ALDH9A1: variants seen among roughly 807,000 people sequenced by gnomAD.
The protein encoded by ALDH9A1 is aldehyde dehydrogenase 9 family member A1, also known as 4-trimethylaminobutyraldehyde dehydrogenase.
Under a neutral mutation model 56.6 loss-of-function variants are expected in ALDH9A1, and 42 were observed. The observed-to-expected ratio is 0.74, with a 90% CI of 0.58 to 0.96. The LOEUF is 0.96. Among genes scored for constraint, ALDH9A1 ranks in the 40% least tolerant of loss-of-function variants. The pLI is 0.00. For missense variants in ALDH9A1, 661 were observed against 651.5 expected, an observed-to-expected ratio of 1.01 and a Z score of -0.16; for synonymous variants, 242 against 236.0, an observed-to-expected ratio of 1.03 and a Z score of -0.23.
At chr1:165,679,626 A>G (rs368541122) in intron 5 of ALDH9A1, 44 bp from the exon 6 acceptor site, 19 of 1,608,810 alleles carry the variant, frequency 1.2e-5, no homozygotes, top group Non-Finnish European at 1.5e-5. Flanking sequence ...AACACAAATT[A>G]TATTGCATGC....
chr1:165,698,495 C>A lies in ALDH9A1; in HGVS notation c.64G>T (p.Val22Phe). 1 of 1,608,740 alleles carries A rather than the reference C, an allele frequency of 6.2e-7. No individual in the cohort carries two copies. Among genetic ancestry groups the A allele is most frequent in the Non-Finnish European group, 8.5e-7 (1 of 1,177,966 alleles). ...PLLRSLRPSP[V>F]AAMSTGTFVV... ...AAGGTGCCAGTGCTCATGGCGGCGACAGGAGAGGGCCGAAGACTGCGAAGA... is the reference window on the plus strand; with the variant it reads ...AAGGTGCCAGTGCTCATGGCGGCGAAAGGAGAGGGCCGAAGACTGCGAAGA... The change falls in exon 1 of 11, where the codon GTC becomes TTC. Residue 22 changes from valine to phenylalanine, a missense_variant. By Grantham distance (50) the Val-to-Phe change is conservative (BLOSUM62 -1). Transcript: ENST00000354775.
intron 6 of ALDH9A1, chr1:165,676,475 T>C (rs997698991): frequency 1.5e-5 from 4 of 274,120 alleles, no homozygotes; most frequent in Non-Finnish European, 2.1e-5. Context: ...CCCAAAAGCA[T>C]TACCTGGGAA....
Position 165,682,233 on chromosome 1 carries a change from T to C in ALDH9A1, c.466A>G (p.Ile156Val), listed in dbSNP as rs1558008503. 7 of 1,613,422 alleles carry C rather than the reference T, an allele frequency of 4.3e-6. No homozygotes were observed. The highest frequency in any genetic ancestry group is 4.5e-5 in the East Asian group (2 of 44,892). The change falls in exon 4 of 11, where the codon ATC (isoleucine) becomes GTC (valine). Residue 156 changes from isoleucine (I) to valine (V), a missense_variant. By Grantham distance (29) the Ile-to-Val change is conservative (BLOSUM62 3). Transcript: ENST00000354775. ...GLAASMAGEH[I>V]QLPGGSFGYT... ...CCAAACGATCCACCTGGGAGCTGGA[T>C]GTGTTCACCTATGGGGAAAACAGGA...
chr1:165,683,162 T>C (rs1649606987), intron 2 of ALDH9A1, 52 bp from the exon 3 acceptor site: 2 of 1,567,198 alleles, frequency 1.3e-6, no homozygotes, highest in Non-Finnish European at 1.8e-6. Flanking sequence ...TATGTCTTGA[T>C]GTAATTAATG....
intron 2 of ALDH9A1, among the ~76,000 whole-genome samples, chr1:165,684,240 T>C (rs930415692): frequency 1.3e-5 from 2 of 152,218 alleles, no homozygotes; most frequent in African/African-American, 4.8e-5. Context: ...GAAAAGAGTA[T>C]CAGTCCTGTC....
In ALDH9A1 at chr1:165,682,099, A is replaced by T. The variant is rs1394554785; in HGVS notation, c.592+8T>A. On this transcript the variant is annotated splice_region_variant and intron_variant, in intron 4 of 10. Transcript: ENST00000354775. The stretch of plus-strand genomic sequence containing the variant: ...TGGCTCTCAAATGGAGGGATAATTC[A>T]TTCTTACCACAGGCTAATGCTGGAG... The T allele has an allele frequency of 6.2e-7, 1 of 1,613,818 alleles. No homozygotes were observed. Among genetic ancestry groups the T allele is most frequent in the Admixed American group, 1.7e-5 (1 of 59,986 alleles).
intron 6 of ALDH9A1, among the ~76,000 whole-genome samples, chr1:165,673,770 C>T (rs2101740653): frequency 6.6e-6 from 1 of 152,244 alleles, no homozygotes; most frequent in East Asian, 1.9e-4. Flanking sequence ...ATCTTTGTCC[C>T]TCTGCAACCC....
At chr1:165,668,876 A>G in intron 8 of ALDH9A1, 50 bp downstream of exon 8, 1 of 1,322,876 alleles carries the variant, frequency 7.6e-7, no homozygotes, top group Non-Finnish European at 1.1e-6. Context: ...ATCTCTATCT[A>G]TTCAGTATTT....
chr1:165,693,804 T>G (rs187215645), intron 2 of ALDH9A1, among the ~76,000 whole-genome samples: 179 of 152,242 alleles, frequency 1.2e-3, no homozygotes, highest in Admixed American at 2.5e-3. Context: ...AGCAAAGACT[T>G]GGAACCAACC....
chr1:165,697,262 C>T (rs10753689), intron 1 of ALDH9A1, among the ~76,000 whole-genome samples: 92,303 of 152,080 alleles, frequency 0.61, 28,121 homozygotes, highest in Admixed American at 0.62. Flanking sequence ...GGAGAGCTCA[C>T]GTAGACCATG....
At chr1:165,695,785 C>T (rs10800133) in intron 1 of ALDH9A1, among the ~76,000 whole-genome samples, 46,039 of 151,636 alleles carry the variant, frequency 0.3, 7,195 homozygotes, top group South Asian at 0.49. Flanking sequence ...CGTGGGCTAC[C>T]GTAACTTCTT....
Position 165,683,082 on chromosome 1 carries a change from T to C in ALDH9A1, c.356A>G (p.Glu119Gly). ...REREDEIATM[E>G]CINNGKSIFE... ...GATGGACTTGCCATTGTTGATGCACTCCATAGTAGCAATTTCATCCTCCCG... is the reference window on the plus strand; with the variant it reads ...GATGGACTTGCCATTGTTGATGCACCCCATAGTAGCAATTTCATCCTCCCG... The change falls in exon 3 of 11, where the codon GAG (glutamate) becomes GGG (glycine). Residue 119 changes from glutamate to glycine, a missense_variant. Physicochemically the swap from Glu to Gly is moderately conservative, Grantham distance 98. Transcript: ENST00000354775. 1 of 1,614,060 alleles carries C rather than the reference T, an allele frequency of 6.2e-7. No homozygotes were observed. The highest frequency in any genetic ancestry group is 8.5e-7 in the Non-Finnish European group (1 of 1,179,966).
intron 6 of ALDH9A1, chr1:165,671,523 A>C (rs1649180067): frequency 6.5e-6 from 3 of 460,852 alleles, no homozygotes; most frequent in Non-Finnish European, 1.3e-5. Flanking sequence ...ACCGCTCCTA[A>C]TCTCCCTGAA....
At chr1:165,696,947 T>C (rs1017621058) in intron 1 of ALDH9A1, among the ~76,000 whole-genome samples, 11 of 152,250 alleles carry the variant, frequency 7.2e-5, no homozygotes, top group African/African-American at 2.7e-4. Context: ...TAATGCCTTC[T>C]GGCTCTGCCA....
chr1:165,693,813 C>A (rs1298564146), intron 2 of ALDH9A1, among the ~76,000 whole-genome samples: 1 of 152,166 alleles, frequency 6.6e-6, no homozygotes, highest in African/African-American at 2.4e-5. Context: ...TTGGAACCAA[C>A]CCAAATGCCC....
intron 2 of ALDH9A1, among the ~76,000 whole-genome samples, chr1:165,688,110 AG>A (rs761263730): frequency 3.0e-4 from 46 of 152,156 alleles, no homozygotes; most frequent in Non-Finnish European, 8.8e-5. Context: ...TGAGCCCAGG[AG>A]ATCAAGACCA....
chr1:165,669,472 T>G, intron 6 of ALDH9A1, 22 bp from the exon 7 acceptor site: 1 of 1,580,770 alleles, frequency 6.3e-7, no homozygotes, highest in Non-Finnish European at 8.6e-7. Flanking sequence ...ACACAAGACA[T>G]CAATTTCTAT....
chr1:165,680,269 C>A (rs1169910004), intron 5 of ALDH9A1, among the ~76,000 whole-genome samples: 3 of 152,148 alleles, frequency 2.0e-5, no homozygotes, highest in Non-Finnish European at 4.4e-5. Context: ...TAATTTCCAC[C>A]CCTACCTGGC....
At chr1:165,664,996 T>C in intron 10 of ALDH9A1, 22 bp downstream of exon 10, 2 of 1,596,636 alleles carry the variant, frequency 1.3e-6, no homozygotes, top group Admixed American at 3.3e-5. Flanking sequence ...CTAGTTTGCA[T>C]TCACACCTCC....
Sources: gnomAD v4.1 joint callset for allele counts (sites outside exome capture counted in the v4.1 genomes callset) on GRCh38, gnomAD v4.1.1 for gene constraint, MANE v1.5 for transcripts, NCBI Gene and HGNC (gene_info 2026-07-23, HGNC 2026-07-21) for gene names.